Variants in MSRA observed in about 807,000 individuals in gnomAD.
The protein encoded by MSRA is methionine sulfoxide reductase A, also known as mitochondrial peptide methionine sulfoxide reductase.
MSRA carries 54 observed loss-of-function variants against 31.3 expected under a neutral mutation model. The observed-to-expected ratio is 1.73, with a 90% CI of 1.39 to 2.17. The LOEUF is 2.17. Among genes scored for constraint, MSRA ranks in the 30% most tolerant of loss-of-function variants. The probability of loss-of-function intolerance (pLI) is 0.00; values close to 1 mark genes in which losing one functional copy is unlikely to be tolerated. For missense variants in MSRA, 507 were observed against 300.9 expected (o/e 1.69, Z -5.07); for synonymous variants, 169 against 116.5 (o/e 1.45, Z -2.90).
intron 1 of MSRA, 28 bp downstream of exon 1, chr8:10,054,686 G>T: frequency 6.7e-7 from 1 of 1,487,996 alleles, no homozygotes; most frequent in Non-Finnish European, 9.0e-7. Context: ...GGAAGGCGCG[G>T]GCGGCGACGC....
intron 2 of MSRA, among the ~76,000 whole-genome samples, chr8:10,232,337 C>G (rs1359365190): frequency 3.3e-5 from 5 of 152,118 alleles, no homozygotes; most frequent in Non-Finnish European, 5.9e-5. Context: ...CAGTGGTACC[C>G]TTAGTAGGCA....
At chr8:10,121,774 G>A (rs915857352) in intron 1 of MSRA, among the ~76,000 whole-genome samples, 5 of 151,616 alleles carry the variant, frequency 3.3e-5, no homozygotes, top group East Asian at 1.9e-4. Context: ...AAGCTCAAGC[G>A]ATCCTCCCAC....
intron 1 of MSRA, among the ~76,000 whole-genome samples, chr8:10,147,325 C>T (rs565575547): frequency 1.9e-4 from 29 of 152,260 alleles, no homozygotes; most frequent in African/African-American, 5.5e-4. Flanking sequence ...GGCTGGCCAC[C>T]GAGCCTAGGG....
At position 10,424,767 on chromosome 8, in the gene MSRA, G is replaced by A. The variant is rs112542019; in HGVS notation, c.544-3381G>A. The stretch of plus-strand genomic sequence containing the variant: ...TGGGTTAGGGGAGGTGCTGGGGCAG[G>A]CCCAGATCTCCCAGGCTCCCTGGTG... On this transcript the variant is annotated intron_variant, in intron 5 of 5. Coordinates refer to ENST00000317173, the MANE Select transcript of MSRA (RefSeq NM_012331.5). Among the ~76,000 whole-genome samples the A allele has an allele frequency of 3.8e-3, 582 of 152,272 alleles. 6 individuals are homozygous for A. Among genetic ancestry groups the A allele is most frequent in the African/African-American group, 0.013 (521 of 41,560 alleles).
chr8:10,289,213 C>G (rs1315858963), intron 3 of MSRA, among the ~76,000 whole-genome samples: 1 of 151,976 alleles, frequency 6.6e-6, no homozygotes, highest in Non-Finnish European at 1.5e-5. Context: ...ACGGATTTCA[C>G]CATGTTGGCC....
At chr8:10,407,204 C>T (rs537368840) in intron 5 of MSRA, among the ~76,000 whole-genome samples, 1 of 152,172 alleles carries the variant, frequency 6.6e-6, no homozygotes, top group African/African-American at 2.4e-5. Flanking sequence ...TCTTTGTGTT[C>T]TTGCAAATGT....
intron 3 of MSRA, among the ~76,000 whole-genome samples, chr8:10,260,535 C>A (rs1162126236): frequency 1.3e-5 from 2 of 152,156 alleles, no homozygotes; most frequent in Non-Finnish European, 2.9e-5. Context: ...GTTAGGGCAA[C>A]AGATGGACAA....
intron 3 of MSRA, among the ~76,000 whole-genome samples, chr8:10,295,576 T>G (rs570957527): frequency 4.6e-5 from 7 of 152,288 alleles, no homozygotes; most frequent in Non-Finnish European, 7.4e-5. Flanking sequence ...AAATCTCGTC[T>G]ACATAAGACC....
At chr8:10,155,135 C>T (rs1804043345) in intron 1 of MSRA, among the ~76,000 whole-genome samples, 1 of 152,018 alleles carries the variant, frequency 6.6e-6, no homozygotes, top group African/African-American at 2.4e-5. Flanking sequence ...ACTCACACCA[C>T]ATATAGTCTA....
chr8:10,210,026 C>T (rs1235766876), intron 2 of MSRA, among the ~76,000 whole-genome samples: 2 of 152,100 alleles, frequency 1.3e-5, no homozygotes, highest in Admixed American at 1.3e-4. Flanking sequence ...CAAGATGATC[C>T]TCACTTTCTA....
intron 1 of MSRA, among the ~76,000 whole-genome samples, chr8:10,077,212 A>G (rs1434337781): frequency 2.0e-5 from 3 of 152,202 alleles, no homozygotes; most frequent in African/African-American, 7.2e-5. Flanking sequence ...GCTTTTGCCA[A>G]CAATGATGGG....
chr8:10,246,399 A>C (rs1402000107), intron 3 of MSRA, among the ~76,000 whole-genome samples: 2 of 152,204 alleles, frequency 1.3e-5, no homozygotes, highest in East Asian at 3.9e-4. Flanking sequence ...CTCAGATAGC[A>C]TTTGAAATGT....
chr8:10,292,794 C>A (rs1237603792), intron 3 of MSRA, among the ~76,000 whole-genome samples: 12 of 152,046 alleles, frequency 7.9e-5, no homozygotes, highest in Admixed American at 3.9e-4. Flanking sequence ...TGGGGTGACC[C>A]TGAGGGCAGA....
intron 5 of MSRA, among the ~76,000 whole-genome samples, chr8:10,332,967 G>C (rs796413946): frequency 6.6e-6 from 1 of 152,180 alleles, no homozygotes; most frequent in Non-Finnish European, 1.5e-5. Flanking sequence ...TGCAGATGCC[G>C]GTATCAGTCT....
chr8:10,161,250 A>G (rs1425649521), intron 1 of MSRA, among the ~76,000 whole-genome samples: 1 of 152,164 alleles, frequency 6.6e-6, no homozygotes, highest in African/African-American at 2.4e-5. Context: ...ATATTTATAT[A>G]ATTAAATATC....
intron 5 of MSRA, among the ~76,000 whole-genome samples, chr8:10,367,825 G>A (rs1266902810): frequency 6.6e-6 from 1 of 152,232 alleles, no homozygotes; most frequent in Non-Finnish European, 1.5e-5. Flanking sequence ...TAACTGGGAT[G>A]AGGCAGGCCT....
At chr8:10,219,806 CA>C (rs59393980) in intron 2 of MSRA, among the ~76,000 whole-genome samples, 367 of 57,102 alleles carry the variant, frequency 6.4e-3, no homozygotes, top group Non-Finnish European at 8.5e-3. Context: ...ACTCTGTCTC[CA>C]AAAAAAAAAA....
At chr8:10,095,473 G>C in intron 1 of MSRA, 1 of 985,424 alleles carries the variant, frequency 1.0e-6, no homozygotes, top group Non-Finnish European at 1.2e-6. Flanking sequence ...ACATCTTTTG[G>C]AGACAAGAAT....
At chr8:10,381,003 G>C (rs1806035975) in intron 5 of MSRA, among the ~76,000 whole-genome samples, 1 of 152,012 alleles carries the variant, frequency 6.6e-6, no homozygotes, top group Non-Finnish European at 1.5e-5. Flanking sequence ...ATGCATAGAT[G>C]GATGGGTTTA....
Sources: allele counts gnomAD v4.1 joint callset (sites outside exome capture counted in the v4.1 genomes callset), GRCh38; gene constraint gnomAD v4.1.1; transcripts MANE v1.5; gene names NCBI Gene and HGNC (gene_info 2026-07-23, HGNC 2026-07-21).